RAD23B: variants seen among roughly 807,000 people sequenced by gnomAD.
RAD23B encodes RAD23 nucleotide excision repair protein B, also known as lysine-specific demethylase RAD23B.
Under a neutral mutation model 49.1 loss-of-function variants are expected in RAD23B, and 5 were observed. That is an observed-to-expected ratio of 0.10 (90% CI 0.05 to 0.21). The LOEUF is 0.21. RAD23B is among the 10% of genes least tolerant of loss of function. RAD23B has a pLI of 1.00. For missense variants in RAD23B, 356 were observed against 486.7 expected (o/e 0.73, Z 2.53); for synonymous variants, 184 against 165.4 (o/e 1.11, Z -0.86).
chr9:107,306,975 C>T (rs1024585348), intron 4 of RAD23B, among the ~76,000 whole-genome samples: 1 of 151,846 alleles, frequency 6.6e-6, no homozygotes, highest in Non-Finnish European at 1.5e-5. Flanking sequence ...AGGATTACAT[C>T]ATGACATTGC....
rs116892148 is a variant in RAD23B at position 107,286,552 on chromosome 9, G to C, written c.66+2857G>C. On this transcript the variant is annotated intron_variant, in intron 1 of 9. Coordinates refer to ENST00000358015, the MANE Select transcript of RAD23B (RefSeq NM_002874.5). Reference sequence around the variant, plus strand: ...TGTTAATCTTTGCAAAGATCTTTTTGTTTCTACAATTGTAATGCAAGCCTT... The same window carrying C: ...TGTTAATCTTTGCAAAGATCTTTTTCTTTCTACAATTGTAATGCAAGCCTT... Among the ~76,000 whole-genome samples the C allele has an allele frequency of 8.8e-3, 1,336 of 152,140 alleles. 7 individuals carry two copies. Among genetic ancestry groups the C allele is most frequent in the Non-Finnish European group, 0.013 (897 of 67,998 alleles).
intron 1 of RAD23B, among the ~76,000 whole-genome samples, chr9:107,297,687 T>C (rs1826556413): frequency 6.6e-6 from 1 of 151,556 alleles, no homozygotes; most frequent in Non-Finnish European, 1.5e-5. Context: ...AGTTATTTAG[T>C]AGTAAATTAC....
At chr9:107,325,696 C>T (rs1318960093) in intron 9 of RAD23B, among the ~76,000 whole-genome samples, 1 of 152,160 alleles carries the variant, frequency 6.6e-6, no homozygotes, top group Admixed American at 6.6e-5. Context: ...CACATGGAGA[C>T]AGTTTTACTT....
intron 5 of RAD23B, among the ~76,000 whole-genome samples, chr9:107,316,881 G>A (rs1473916019): frequency 6.6e-6 from 1 of 151,790 alleles, no homozygotes; most frequent in Non-Finnish European, 1.5e-5. Flanking sequence ...AAAAACAGAA[G>A]GCTACCTAGG....
At chr9:107,320,845 T>C (rs1827095900) in intron 6 of RAD23B, among the ~76,000 whole-genome samples, 2 of 152,314 alleles carry the variant, frequency 1.3e-5, no homozygotes, top group East Asian at 1.9e-4. Context: ...ACATTGGTTT[T>C]AATGCCTGGA....
intron 9 of RAD23B, among the ~76,000 whole-genome samples, chr9:107,325,877 T>A (rs10978796): frequency 0.026 from 4,007 of 152,322 alleles, 83 homozygotes; most frequent in Non-Finnish European, 0.04. Context: ...TATGGGTTTT[T>A]TGTGGATGCC....
intron 5 of RAD23B, among the ~76,000 whole-genome samples, chr9:107,316,461 G>A (rs754473882): frequency 3.9e-5 from 6 of 152,116 alleles, no homozygotes; most frequent in South Asian, 4.1e-4. Flanking sequence ...TCGTAATTTC[G>A]TTTGTATTGA....
At chr9:107,322,882 C>A (rs1002382794) in intron 7 of RAD23B, among the ~76,000 whole-genome samples, 11 of 152,090 alleles carry the variant, frequency 7.2e-5, no homozygotes, top group African/African-American at 2.7e-4. Context: ...AAAGAGATGA[C>A]CACAGCTCTG....
chr9:107,318,714 A>G lies in RAD23B; in HGVS notation c.554-38A>G. On this transcript the variant is annotated intron_variant, in intron 5 of 9. Transcript: ENST00000358015. The surrounding 1 kb of genome is among the most constrained non-coding windows in gnomAD (Gnocchi z 4.3). ...AATGTATAGAGAATGCTTATTTATT[A>G]AATGTTCCTTTTTTTCCCCTCCACC... 6.3e-7 allele frequency: 1 copy of G among 1,577,270 alleles called. No homozygotes were observed. The highest frequency in any genetic ancestry group is 1.1e-5 in the South Asian group (1 of 88,884).
intron 9 of RAD23B, among the ~76,000 whole-genome samples, chr9:107,326,546 T>A (rs1371818396): frequency 6.6e-6 from 1 of 150,424 alleles, no homozygotes; most frequent in African/African-American, 2.4e-5. Flanking sequence ...ACCAGTAGTC[T>A]GGTCCTGGGC....
chr9:107,324,844 A>G lies in RAD23B; in HGVS notation c.956A>G (p.Gln319Arg), dbSNP rs1284381289. ...TTCATATCACCACAGCAAATTAGCC[A>G]ACACCAGGAGCATTTTATTCAGATG... ...ENPQLLQQIS[Q>R]HQEHFIQMLN... Residue 319 changes from glutamine (Q) to arginine (R), a missense_variant, in exon 9 of 10, where the codon CAA (glutamine) becomes CGA (arginine). Coordinates refer to ENST00000358015, the MANE Select transcript of RAD23B (RefSeq NM_002874.5). 25 of 1,605,580 alleles carry G rather than the reference A, an allele frequency of 1.6e-5. No homozygotes were observed. The highest frequency in any genetic ancestry group is 2.1e-5 in the Non-Finnish European group (25 of 1,177,194).
At chr9:107,292,195 T>A (rs7046950) in intron 1 of RAD23B, among the ~76,000 whole-genome samples, 1 of 152,114 alleles carries the variant, frequency 6.6e-6, no homozygotes, top group East Asian at 1.9e-4. Flanking sequence ...TCAAATGAAT[T>A]TATGTACATT....
At chr9:107,325,053 G>A (rs2133098305) in intron 9 of RAD23B, 49 bp downstream of exon 9, 1 of 1,546,878 alleles carries the variant, frequency 6.5e-7, no homozygotes, top group Non-Finnish European at 8.8e-7. Context: ...CTGGGCTCAT[G>A]CCTGTAATTC....
At chr9:107,302,010 AT>A (rs56278141) in intron 2 of RAD23B, 24 bp from the exon 3 acceptor site, 35 of 1,593,428 alleles carry the variant, frequency 2.2e-5, no homozygotes, top group South Asian at 3.4e-5. Context: ...GCCTTAAATG[AT>A]TTTTTTTTCT....
intron 1 of RAD23B, among the ~76,000 whole-genome samples, chr9:107,288,667 T>C (rs76695728): frequency 9.9e-4 from 151 of 152,266 alleles, no homozygotes; most frequent in South Asian, 2.1e-3. Context: ...TGGGTGGTCT[T>C]GAACTCCTGA....
At chr9:107,322,685 CTTCG>C (rs1249399200) in intron 7 of RAD23B, among the ~76,000 whole-genome samples, 1 of 152,172 alleles carries the variant, frequency 6.6e-6, no homozygotes, top group African/African-American at 2.4e-5. Flanking sequence ...CAGTGTTCTC[CTTCG>C]TTCGTTCTTC....
chr9:107,307,913 G>A (rs1826811396), intron 4 of RAD23B, among the ~76,000 whole-genome samples: 1 of 152,130 alleles, frequency 6.6e-6, no homozygotes, highest in Non-Finnish European at 1.5e-5. Context: ...TGTACAACTA[G>A]AAATGCATTC....
chr9:107,309,593 A>G (rs1049827085), intron 4 of RAD23B, among the ~76,000 whole-genome samples: 8 of 152,190 alleles, frequency 5.3e-5, no homozygotes, highest in Non-Finnish European at 1.0e-4. Flanking sequence ...GTTAAAGTCT[A>G]TGTACATCCA....
Position 107,318,702 on chromosome 9 carries a change from T to C in RAD23B, c.554-50T>C. 2 of 1,552,330 alleles carry C rather than the reference T, an allele frequency of 1.3e-6. No homozygotes were observed. Among genetic ancestry groups the C allele is most frequent in the Non-Finnish European group, 1.8e-6 (2 of 1,132,070 alleles). ...CATGAATCAATAAATGTATAGAGAATGCTTATTTATTAAATGTTCCTTTTT... is the reference window on the plus strand; with the variant it reads ...CATGAATCAATAAATGTATAGAGAACGCTTATTTATTAAATGTTCCTTTTT... On this transcript the variant is annotated intron_variant, in intron 5 of 9. Transcript: ENST00000358015. This position sits in a 1 kb window ranked among gnomAD's most constrained non-coding sequence, Gnocchi z 4.3.
Sources: gnomAD v4.1 joint callset for allele counts (sites outside exome capture counted in the v4.1 genomes callset) on GRCh38, gnomAD v4.1.1 for gene constraint, Gnocchi (gnomAD v3.1) non-coding constraint, MANE v1.5 for transcripts, NCBI Gene and HGNC (gene_info 2026-07-23, HGNC 2026-07-21) for gene names.